Variants in ARHGAP42 observed in about 807,000 individuals in gnomAD.
The protein encoded by ARHGAP42 is rho GTPase-activating protein 42.
In ARHGAP42, 63 loss-of-function variants were observed where a neutral mutation model predicts 125.0. That is an observed-to-expected ratio of 0.50 (90% CI 0.41 to 0.62). ARHGAP42 has a LOEUF of 0.62. ARHGAP42 is among the 20% of genes least tolerant of loss of function. ARHGAP42 has a pLI of 0.00. For missense variants in ARHGAP42, 766 were observed against 1,024.2 expected (o/e 0.75, Z 3.44); for synonymous variants, 339 against 351.0 (o/e 0.97, Z 0.38).
At chr11:100,697,615 AC>A (rs901587377) in intron 1 of ARHGAP42, among the ~76,000 whole-genome samples, 1 of 152,128 alleles carries the variant, frequency 6.6e-6, no homozygotes, top group Non-Finnish European at 1.5e-5. Context: ...CAAATGAAAG[AC>A]CCAGGTTCAG....
At chr11:100,763,705 G>A (rs571468403) in intron 1 of ARHGAP42, among the ~76,000 whole-genome samples, 2 of 151,934 alleles carry the variant, frequency 1.3e-5, no homozygotes, top group African/African-American at 2.4e-5. Flanking sequence ...GGCCAGGCTG[G>A]TCTCGAACTT....
intron 22 of ARHGAP42, among the ~76,000 whole-genome samples, chr11:100,981,859 C>A (rs1858553069): frequency 6.6e-6 from 1 of 152,022 alleles, no homozygotes; most frequent in Admixed American, 6.6e-5. Context: ...GTCTCTGAGA[C>A]AGTGTTGGAA....
intron 2 of ARHGAP42, among the ~76,000 whole-genome samples, chr11:100,793,317 T>C (rs1044757969): frequency 6.6e-6 from 1 of 152,232 alleles, no homozygotes; most frequent in Non-Finnish European, 1.5e-5. Flanking sequence ...ATTTATATAA[T>C]AATTTTTTGT....
At chr11:100,892,772 A>G (rs1183217800) in intron 4 of ARHGAP42, among the ~76,000 whole-genome samples, 1 of 152,204 alleles carries the variant, frequency 6.6e-6, no homozygotes, top group Admixed American at 6.6e-5. Flanking sequence ...CATGTACAGC[A>G]TGACTGAGCT....
intron 13 of ARHGAP42, 52 bp downstream of exon 13, chr11:100,959,997 A>T: frequency 6.9e-7 from 1 of 1,455,930 alleles, no homozygotes; most frequent in South Asian, 1.2e-5. Flanking sequence ...TCATTCTTAC[A>T]TGGAAAACTC....
intron 2 of ARHGAP42, 100 bp downstream of exon 2, chr11:100,770,538 C>G: frequency 1.1e-6 from 1 of 923,538 alleles, no homozygotes; most frequent in Non-Finnish European, 1.6e-6. Flanking sequence ...TATTTTCTGA[C>G]TTTGACAATA....
In ARHGAP42 at chr11:100,916,139, G is replaced by A. The variant is rs547845633; in HGVS notation, c.486+2586G>A. On this transcript the variant is annotated intron_variant, in intron 5 of 23. Coordinates refer to ENST00000298815, the MANE Select transcript of ARHGAP42 (RefSeq NM_152432.4). The stretch of plus-strand genomic sequence containing the variant: ...CTTTTATTAACAAAATCCCAAGGCC[G>A]TCAACTAGGCCATTGGAGTAAACAG... Among the ~76,000 whole-genome samples the A allele has an allele frequency of 5.4e-4, 82 of 152,258 alleles. 5 individuals carry two copies. Among genetic ancestry groups the A allele is most frequent in the Non-Finnish European group, 2.2e-4 (15 of 68,036 alleles).
chr11:100,778,262 A>G (rs1463302413), intron 2 of ARHGAP42, among the ~76,000 whole-genome samples: 1 of 152,166 alleles, frequency 6.6e-6, no homozygotes, highest in Non-Finnish European at 1.5e-5. Flanking sequence ...AACCAAAGGC[A>G]ATGCCATTAT....
At chr11:100,746,523 A>C (rs1289394575) in intron 1 of ARHGAP42, among the ~76,000 whole-genome samples, 1 of 152,168 alleles carries the variant, frequency 6.6e-6, no homozygotes, top group Admixed American at 6.5e-5. Context: ...CGGAATATTA[A>C]TCCATTTTAA....
intron 2 of ARHGAP42, among the ~76,000 whole-genome samples, chr11:100,785,055 T>C (rs912280844): frequency 1.3e-5 from 2 of 152,104 alleles, no homozygotes; most frequent in Non-Finnish European, 2.9e-5. Flanking sequence ...GGGCCCTTGC[T>C]TGGAGCTAGT....
chr11:100,730,839 C>A (rs1227136230), intron 1 of ARHGAP42, among the ~76,000 whole-genome samples: 2 of 152,166 alleles, frequency 1.3e-5, no homozygotes, highest in African/African-American at 4.8e-5. Context: ...AGGCTACAAA[C>A]CTGTACAGCA....
intron 1 of ARHGAP42, 147 bp downstream of exon 1, chr11:100,687,979 A>G: frequency 1.1e-6 from 1 of 920,002 alleles, no homozygotes; most frequent in East Asian, 2.8e-5. Context: ...GCTGGTGGCC[A>G]ACAAAGTTTG....
At chr11:100,899,267 T>C (rs1866457384) in intron 4 of ARHGAP42, among the ~76,000 whole-genome samples, 1 of 152,226 alleles carries the variant, frequency 6.6e-6, no homozygotes, top group Admixed American at 6.5e-5. Context: ...TCCAACTATG[T>C]GGTCAATTTT....
chr11:100,701,398 C>T (rs915072918), intron 1 of ARHGAP42, among the ~76,000 whole-genome samples: 2 of 152,216 alleles, frequency 1.3e-5, no homozygotes, highest in African/African-American at 4.8e-5. Context: ...GACTTCTCCT[C>T]TGTAGCTATG....
chr11:100,977,657 T>C (rs79888548), intron 21 of ARHGAP42, among the ~76,000 whole-genome samples: 16,218 of 152,228 alleles, frequency 0.11, 1,067 homozygotes, highest in Non-Finnish European at 0.13. Flanking sequence ...AATTTCCTAA[T>C]GCTCTCTGAG....
At chr11:100,836,730 C>CTTTTTTTTTTTTTTTTGTTTTTTT (rs200596327) in intron 3 of ARHGAP42, among the ~76,000 whole-genome samples, 1 of 123,254 alleles carries the variant, frequency 8.1e-6, no homozygotes, top group Non-Finnish European at 1.7e-5. Context: ...TTGTTGTTTT[C>CTTTTTTTTTTTTTTTTGTTTTTTT]TTTTTTTTTT....
intron 3 of ARHGAP42, among the ~76,000 whole-genome samples, chr11:100,834,552 A>T (rs1382830673): frequency 6.6e-6 from 1 of 152,172 alleles, no homozygotes; most frequent in African/African-American, 2.4e-5. Context: ...ATTAATGCAG[A>T]CAGCAGAATT....
Position 100,989,113 on chromosome 11 carries a change from T to C in ARHGAP42, c.*312T>C. On this transcript the variant is annotated 3_prime_UTR_variant, in exon 24 of 24. Transcript: ENST00000298815. ...GAGTTTCAAATACTGTGTTAAATAC[T>C]GTATCCCAGAAATTTGGAAACCAGA... The C allele has an allele frequency of 4.9e-6, 2 of 404,860 alleles. No individual in the cohort carries two copies. The highest frequency in any genetic ancestry group is 8.7e-6 in the Non-Finnish European group (2 of 229,326). The allele number at this position is 404,860 out of a possible 1,614,324, so 25.1% of individuals were successfully genotyped here.
chr11:100,870,970 T>C (rs1865681954), intron 4 of ARHGAP42, among the ~76,000 whole-genome samples: 1 of 151,830 alleles, frequency 6.6e-6, no homozygotes, highest in Admixed American at 6.6e-5. Flanking sequence ...AAAAGGATTT[T>C]CCAAAGAATT....
Sources: gnomAD v4.1 joint callset for allele counts (sites outside exome capture counted in the v4.1 genomes callset) on GRCh38, gnomAD v4.1.1 for gene constraint, MANE v1.5 for transcripts, NCBI Gene and HGNC (gene_info 2026-07-23, HGNC 2026-07-21) for gene names.